Variants in CNOT10 observed in about 807,000 individuals in gnomAD.
The protein encoded by CNOT10 is CCR4-NOT transcription complex subunit 10, also known as CCR4-NOT transcription complex, subunit 10.
CNOT10 carries 30 observed loss-of-function variants against 94.6 expected under a neutral mutation model. That is an observed-to-expected ratio of 0.32 (90% CI 0.24 to 0.43). CNOT10 has a LOEUF of 0.43. Among genes scored for constraint, CNOT10 ranks in the 20% least tolerant of loss-of-function variants. CNOT10 has a pLI of 1.00. For synonymous variants in CNOT10, 289 were observed against 301.6 expected (o/e 0.96, Z 0.43); for missense variants, 759 against 877.2 (o/e 0.87, Z 1.70).
intron 1 of CNOT10, among the ~76,000 whole-genome samples, chr3:32,700,838 A>G (rs980994962): frequency 2.0e-5 from 3 of 152,222 alleles, no homozygotes; most frequent in African/African-American, 7.2e-5. Context: ...ATTTCCTTTT[A>G]ATGATATTTC....
chr3:32,773,378 C>T (rs1277389702), intron 18 of CNOT10, 79 bp from the exon 19 acceptor site: 1 of 1,426,544 alleles, frequency 7.0e-7, no homozygotes, highest in South Asian at 1.4e-5. Context: ...TTTACCTCCC[C>T]AGCAGGATTT....
chr3:32,768,775 T>C (rs530197815), intron 17 of CNOT10, among the ~76,000 whole-genome samples: 2 of 152,326 alleles, frequency 1.3e-5, no homozygotes, highest in Middle Eastern at 6.8e-3. Flanking sequence ...CTGGGCAACA[T>C]GCCCCGCTAG....
intron 13 of CNOT10, chr3:32,753,840 C>G: frequency 6.5e-7 from 1 of 1,535,130 alleles, no homozygotes. Context: ...ACCAGCTGGT[C>G]TGATGTAGGT....
At chr3:32,687,439 G>GTTTTTTGTTTTGTTTTT (rs1696653694) in intron 1 of CNOT10, among the ~76,000 whole-genome samples, 2 of 51,320 alleles carry the variant, frequency 3.9e-5, no homozygotes, top group Non-Finnish European at 6.8e-5. Flanking sequence ...AGTCCTCACG[G>GTTTTTTGTTTTGTTTTT]TTTTTTTTTT....
rs865993607 is a variant in CNOT10 at position 32,713,281 on chromosome 3, C to T, written c.485C>T (p.Thr162Ile). ...CFLLVDLYIL[T>I]YQAEKALHLL... The stretch of plus-strand genomic sequence containing the variant: ...TTGCTTGTAGACCTGTATATATTAA[C>T]CTACCAAGCTGAGAAAGCTTTGCAT... Residue 162 changes from threonine (T) to isoleucine (I), a missense_variant, in exon 5 of 19, where the codon ACC becomes ATC. Physicochemically the swap from Thr to Ile is moderately conservative, Grantham distance 89. Coordinates refer to ENST00000328834, the MANE Select transcript of CNOT10 (RefSeq NM_015442.3). The T allele has an allele frequency of 6.3e-7, 1 of 1,597,840 alleles. No homozygotes were observed. Among genetic ancestry groups the T allele is most frequent in the African/African-American group, 1.4e-5 (1 of 73,950 alleles).
chr3:32,696,587 A>C (rs1348202000), intron 1 of CNOT10, among the ~76,000 whole-genome samples: 1 of 152,120 alleles, frequency 6.6e-6, no homozygotes, highest in African/African-American at 2.4e-5. Flanking sequence ...AGTCCAGCTT[A>C]TCTATTTATT....
intron 1 of CNOT10, among the ~76,000 whole-genome samples, chr3:32,703,078 ATTTTTTT>A (rs67920905): frequency 3.2e-5 from 4 of 124,252 alleles, no homozygotes; most frequent in Non-Finnish European, 4.9e-5. Context: ...CGCCAAGCTA[ATTTTTTT>A]TTTTTTTTTT....
chr3:32,686,706 C>T (rs1696616209), intron 1 of CNOT10, among the ~76,000 whole-genome samples: 1 of 152,124 alleles, frequency 6.6e-6, no homozygotes, highest in South Asian at 2.1e-4. Flanking sequence ...CAAGGCTGGA[C>T]CAGGGGACCA....
chr3:32,751,037 T>C (rs1699942268), intron 13 of CNOT10, among the ~76,000 whole-genome samples: 1 of 152,144 alleles, frequency 6.6e-6, no homozygotes, highest in Non-Finnish European at 1.5e-5. Context: ...TAGGAAATAA[T>C]GTTGGAGCCA....
At chr3:32,757,922 G>A (rs1273787688) in intron 13 of CNOT10, among the ~76,000 whole-genome samples, 1 of 152,150 alleles carries the variant, frequency 6.6e-6, no homozygotes, top group Non-Finnish European at 1.5e-5. Flanking sequence ...TACATACTCA[G>A]GGACAAAATA....
chr3:32,712,163 G>GT (rs112756771), intron 4 of CNOT10, among the ~76,000 whole-genome samples: 61,506 of 140,910 alleles, frequency 0.44, 13,356 homozygotes, highest in African/African-American at 0.52. Context: ...GTGTTTGTTT[G>GT]TTTTTTTTTT....
rs552717719 is a variant in CNOT10, at chr3:32,737,696, G to A, written c.1595+206G>A. ...AAATTAACCGGGCGTGGTGGCAGGCGCCTGTAATCCCAGTTACTTGGGAGG... is the reference window on the plus strand; with the variant it reads ...AAATTAACCGGGCGTGGTGGCAGGCACCTGTAATCCCAGTTACTTGGGAGG... On this transcript the variant is annotated intron_variant, in intron 13 of 18. Transcript: ENST00000328834. Among the ~76,000 whole-genome samples the A allele has an allele frequency of 2.0e-3, 310 of 152,056 alleles. 1 individual carries two copies. The highest frequency in any genetic ancestry group is 3.5e-3 in the Admixed American group (54 of 15,256).
intron 4 of CNOT10, among the ~76,000 whole-genome samples, chr3:32,710,147 CAAAAAA>C (rs68126514): frequency 1.4e-5 from 1 of 70,660 alleles, no homozygotes; most frequent in Non-Finnish European, 2.9e-5. Context: ...AACTTGCTCT[CAAAAAA>C]AAAAAAAAAA....
chr3:32,752,047 G>A (rs746318894), intron 13 of CNOT10, among the ~76,000 whole-genome samples: 4 of 152,084 alleles, frequency 2.6e-5, no homozygotes, highest in Admixed American at 6.6e-5. Flanking sequence ...CCAGCACTTC[G>A]GAAGTTCGAG....
intron 1 of CNOT10, among the ~76,000 whole-genome samples, chr3:32,694,854 GC>G (rs1167286229): frequency 6.6e-6 from 1 of 152,122 alleles, no homozygotes; most frequent in Non-Finnish European, 1.5e-5. Flanking sequence ...CTCCCAAAGA[GC>G]TGAGATTATA....
rs775689472 is a variant in CNOT10 at position 32,764,787 on chromosome 3, A to G, written c.1982A>G (p.Lys661Arg). 2 of 1,614,198 alleles carry G rather than the reference A, an allele frequency of 1.2e-6. No homozygotes were observed. Among genetic ancestry groups the G allele is most frequent in the East Asian group, 4.5e-5 (2 of 44,890 alleles). The change falls in exon 17 of 19, where the codon AAA becomes AGA. Residue 661 changes from lysine to arginine, a missense_variant. Around this residue, in one of 3 missense-constraint regions of CNOT10, gnomAD observed 682 missense variants for 799.4 expected, o/e 0.85. Coordinates refer to ENST00000328834, the MANE Select transcript of CNOT10 (RefSeq NM_015442.3). Reference sequence around the variant, plus strand: ...TACTGCCTGAGGAGCGAATATGACAAAGCCCGAAAGTGTCTCCACCAGGTG... The same window carrying G: ...TACTGCCTGAGGAGCGAATATGACAGAGCCCGAAAGTGTCTCCACCAGGTG... Reference protein sequence around the residue: ...SAYCLRSEYDKARKCLHQAAS... With the variant: ...SAYCLRSEYDRARKCLHQAAS...
chr3:32,711,533 T>G (rs1368680677), intron 4 of CNOT10, among the ~76,000 whole-genome samples: 2 of 152,174 alleles, frequency 1.3e-5, no homozygotes, highest in Non-Finnish European at 2.9e-5. Flanking sequence ...GGCTGTATAC[T>G]GAATGCTATG....
At chr3:32,715,016 A>G (rs183311101) in intron 5 of CNOT10, among the ~76,000 whole-genome samples, 191 of 152,342 alleles carry the variant, frequency 1.3e-3, no homozygotes, top group African/African-American at 4.2e-3. Flanking sequence ...TAACCTTAGC[A>G]TTATACCGAA....
At chr3:32,740,526 T>G (rs1699414570) in intron 13 of CNOT10, among the ~76,000 whole-genome samples, 1 of 152,096 alleles carries the variant, frequency 6.6e-6, no homozygotes. Context: ...GAACTTTTTT[T>G]GTTTTACAAT....
Sources: gnomAD v4.1 joint callset for allele counts (sites outside exome capture counted in the v4.1 genomes callset) on GRCh38, gnomAD v4.1.1 for gene constraint, gnomAD v4.1.1 regional missense constraint, MANE v1.5 for transcripts, NCBI Gene and HGNC (gene_info 2026-07-23, HGNC 2026-07-21) for gene names.